NAPB: variants seen among roughly 807,000 people sequenced by gnomAD.
NAPB encodes the protein NSF attachment protein beta.
NAPB carries 26 observed loss-of-function variants against 44.7 expected under a neutral mutation model. That is an observed-to-expected ratio of 0.58 (90% CI 0.43 to 0.81). The LOEUF (loss-of-function observed/expected upper bound fraction) is 0.81. Ranked by LOEUF, NAPB falls within the 30% of genes least tolerant of loss-of-function variation. The pLI, the probability that NAPB is intolerant of heterozygous loss-of-function variation, is 0.00. For missense variants in NAPB, 315 were observed against 356.4 expected, an observed-to-expected ratio of 0.88 and a Z score of 0.94; for synonymous variants, 120 against 116.8, an observed-to-expected ratio of 1.03 and a Z score of -0.18.
chr20:23,419,774 G>C (rs567353130), intron 1 of NAPB, among the ~76,000 whole-genome samples: 1 of 152,338 alleles, frequency 6.6e-6, no homozygotes, highest in East Asian at 1.9e-4. Context: ...AACCAGCTGT[G>C]ATAAACGTCC....
chr20:23,419,470 T>G (rs73901862), intron 1 of NAPB, among the ~76,000 whole-genome samples: 3,065 of 152,336 alleles, frequency 0.02, 82 homozygotes, highest in African/African-American at 0.07. Flanking sequence ...AAAAGGAGTG[T>G]TCTCCTGAGA....
At chr20:23,390,958 T>C (rs938647999) in intron 5 of NAPB, among the ~76,000 whole-genome samples, 4 of 152,168 alleles carry the variant, frequency 2.6e-5, no homozygotes, top group Admixed American at 6.6e-5. Context: ...GCCAGAAAGC[T>C]AGAAGTCCTT....
At chr20:23,396,947 C>A in intron 3 of NAPB, 125 bp downstream of exon 3, 1 of 1,044,230 alleles carries the variant, frequency 9.6e-7, no homozygotes. Flanking sequence ...CTCTATTATT[C>A]CAAAATACAA....
intron 3 of NAPB, chr20:23,396,706 G>A (rs1984393058): frequency 6.5e-6 from 1 of 153,272 alleles, no homozygotes; most frequent in Non-Finnish European, 1.5e-5. Context: ...AGGAGTAAGG[G>A]AACATAAGAG....
intron 5 of NAPB, 120 bp from the exon 6 acceptor site, chr20:23,390,384 C>T: frequency 3.9e-6 from 3 of 767,286 alleles, no homozygotes; most frequent in Non-Finnish European, 6.6e-6. Context: ...TTTCACAACT[C>T]GGCCTACTTT....
At chr20:23,419,152 T>C (rs1986214468) in intron 1 of NAPB, among the ~76,000 whole-genome samples, 2 of 152,202 alleles carry the variant, frequency 1.3e-5, no homozygotes, top group South Asian at 4.1e-4. Flanking sequence ...TTTTGAGATA[T>C]ACTATTATTG....
chr20:23,403,133 T>C, intron 1 of NAPB, 61 bp from the exon 2 acceptor site: 1 of 1,203,886 alleles, frequency 8.3e-7, no homozygotes, highest in Non-Finnish European at 1.2e-6. Flanking sequence ...TCTCCCTCCC[T>C]CAAATGATTA....
chr20:23,415,475 T>C (rs1985937031), intron 1 of NAPB, among the ~76,000 whole-genome samples: 1 of 151,920 alleles, frequency 6.6e-6, no homozygotes, highest in African/African-American at 2.4e-5. Flanking sequence ...CCATCTGTAA[T>C]CCAAGCTACT....
chr20:23,388,775 C>G (rs1983719375), intron 7 of NAPB, among the ~76,000 whole-genome samples: 2 of 152,002 alleles, frequency 1.3e-5, no homozygotes, highest in Non-Finnish European at 2.9e-5. Flanking sequence ...GATAAAAGAC[C>G]TAAACCTAAC....
chr20:23,415,110 A>C (rs1985912778), intron 1 of NAPB, among the ~76,000 whole-genome samples: 1 of 152,150 alleles, frequency 6.6e-6, no homozygotes, highest in South Asian at 2.1e-4. Flanking sequence ...AGTTATAATA[A>C]ATTTTTCATC....
intron 7 of NAPB, among the ~76,000 whole-genome samples, chr20:23,388,903 A>T (rs940602292): frequency 1.3e-5 from 2 of 152,168 alleles, no homozygotes; most frequent in African/African-American, 4.8e-5. Context: ...GACAAACTGG[A>T]CTTCAAAAAT....
chr20:23,404,121 A>G (rs1187740933), intron 1 of NAPB, among the ~76,000 whole-genome samples: 1 of 152,180 alleles, frequency 6.6e-6, no homozygotes, highest in Non-Finnish European at 1.5e-5. Context: ...ATAAAAGCCA[A>G]AATTATCCTC....
rs565452874 is a variant in NAPB, at chr20:23,413,144, TAAGTA to T, written c.98+8156_98+8160del. Among the ~76,000 whole-genome samples, 507 of 152,164 alleles carry T rather than the reference TAAGTA, an allele frequency of 3.3e-3. 5 individuals carry two copies. Among genetic ancestry groups the T allele is most frequent in the African/African-American group, 0.012 (478 of 41,512 alleles). ...AGATTCCGTGTCGAAAAAAAAATTTTAAGTAAAGTGTACCTGGACCATTCATGAAC... is the reference window on the plus strand; with the variant it reads ...AGATTCCGTGTCGAAAAAAAAATTTTAAGTGTACCTGGACCATTCATGAAC... On this transcript the variant is annotated intron_variant, in intron 1 of 10. Coordinates refer to ENST00000377026, the MANE Select transcript of NAPB (RefSeq NM_022080.3).
chr20:23,385,509 T>G (rs965138380), intron 7 of NAPB, among the ~76,000 whole-genome samples: 2 of 152,060 alleles, frequency 1.3e-5, no homozygotes, highest in South Asian at 2.1e-4. Context: ...CCTGTAATCC[T>G]GGCACTTTGG....
At chr20:23,419,042 T>G (rs1568626276) in intron 1 of NAPB, among the ~76,000 whole-genome samples, 1 of 152,220 alleles carries the variant, frequency 6.6e-6, no homozygotes, top group South Asian at 2.1e-4. Flanking sequence ...CTGGAGCTGA[T>G]AATTTTGATG....
At chr20:23,421,228 C>CG (rs1174925891) in intron 1 of NAPB, 77 bp downstream of exon 1, 6 of 1,303,350 alleles carry the variant, frequency 4.6e-6, no homozygotes, top group African/African-American at 3.1e-5. Flanking sequence ...GTGGGGGACT[C>CG]GGGGGGTCAG....
Position 23,375,775 on chromosome 20 carries a change from C to G in NAPB, c.*1601G>C, listed in dbSNP as rs1329254205. Reference sequence around the variant, plus strand: ...AGTCCCAGTAGATGCTCTGACATCACAGAGCTTCCTGCTCTACCAGCCCAC... The same window carrying G: ...AGTCCCAGTAGATGCTCTGACATCAGAGAGCTTCCTGCTCTACCAGCCCAC... On this transcript the variant is annotated 3_prime_UTR_variant, in exon 11 of 11. Coordinates refer to ENST00000377026, the MANE Select transcript of NAPB (RefSeq NM_022080.3). 1 of 152,332 alleles carries G rather than the reference C, an allele frequency of 6.6e-6. No homozygotes were observed. The highest frequency in any genetic ancestry group is 1.5e-5 in the Non-Finnish European group (1 of 68,140). The allele number at this position is 152,332 out of a possible 1,614,324, so 9.4% of individuals were successfully genotyped here.
At chr20:23,407,824 G>A (rs1214675052) in intron 1 of NAPB, among the ~76,000 whole-genome samples, 6 of 152,224 alleles carry the variant, frequency 3.9e-5, no homozygotes, top group African/African-American at 1.2e-4. Context: ...GAACAGCAGA[G>A]CTGTGAAAAC....
intron 1 of NAPB, among the ~76,000 whole-genome samples, chr20:23,408,260 T>C (rs1021806664): frequency 6.6e-6 from 1 of 152,172 alleles, no homozygotes; most frequent in Non-Finnish European, 1.5e-5. Flanking sequence ...TGGTACCTCC[T>C]TCTTCTCATT....
Sources: gnomAD v4.1 joint callset for allele counts (sites outside exome capture counted in the v4.1 genomes callset) on GRCh38, gnomAD v4.1.1 for gene constraint, MANE v1.5 for transcripts, NCBI Gene and HGNC (gene_info 2026-07-23, HGNC 2026-07-21) for gene names.